Variants in PHKG2 observed in about 807,000 individuals in gnomAD.
PHKG2 encodes the protein phosphorylase kinase catalytic subunit gamma 2, also known as phosphorylase b kinase gamma catalytic chain, liver/testis isoform.
A neutral mutation model predicts 44.5 loss-of-function variants in PHKG2; 28 were observed. The observed-to-expected ratio is 0.63, with a 90% CI of 0.47 to 0.86. The LOEUF (loss-of-function observed/expected upper bound fraction) is 0.86. PHKG2 is among the 40% of genes least tolerant of loss of function. The pLI, the probability that PHKG2 is intolerant of heterozygous loss-of-function variation, is 0.00. For synonymous variants in PHKG2, 220 were observed against 211.2 expected (o/e 1.04, Z -0.36); for missense variants, 498 against 547.5 (o/e 0.91, Z 0.90).
chr16:30,757,296 C>A lies in PHKG2; in HGVS notation c.*199C>A. The A allele has an allele frequency of 6.5e-7, 1 of 1,538,268 alleles. No individual in the cohort carries two copies. The highest frequency in any genetic ancestry group is 8.7e-7 in the Non-Finnish European group (1 of 1,150,696). ...TGGGGTGGAAGGGAGCCATTCTGAA[C>A]GCCACGCCTGGCCCGGTCAGTGCTG... On this transcript the variant is annotated 3_prime_UTR_variant, in exon 10 of 10. Transcript: ENST00000563588.
intron 1 of PHKG2, 125 bp from the exon 2 acceptor site, chr16:30,748,678 A>AACCCCCCCCC: frequency 6.1e-6 from 1 of 164,006 alleles, no homozygotes; most frequent in South Asian, 5.3e-5. Context: ...TCCTTCCCCC[A>AACCCCCCCCC]CCCCCCCCCA....
chr16:30,757,269 G>A lies in PHKG2; in HGVS notation c.*172G>A. The A allele has an allele frequency of 4.5e-6, 7 of 1,553,792 alleles. No individual in the cohort carries two copies. Among genetic ancestry groups the A allele is most frequent in the Non-Finnish European group, 5.2e-6 (6 of 1,158,296 alleles). ...CACTGGCCAGGACTCTGAGATCAGA[G>A]CTGGGGTGGAAGGGAGCCATTCTGA... On this transcript the variant is annotated 3_prime_UTR_variant, in exon 10 of 10. Coordinates refer to ENST00000563588, the MANE Select transcript of PHKG2 (RefSeq NM_000294.3).
chr16:30,759,180 G>C lies in PHKG2; in HGVS notation c.*2083G>C. 1 of 1,614,124 alleles carries C rather than the reference G, an allele frequency of 6.2e-7. No homozygotes were observed. Among genetic ancestry groups the C allele is most frequent in the Non-Finnish European group, 8.5e-7 (1 of 1,180,028 alleles). Reference sequence around the variant, plus strand: ...CCTGCCCTGGCACTCTCCCTTACCCGTCTCACTCTCTGGCCACAGTTTGGG... The same window carrying C: ...CCTGCCCTGGCACTCTCCCTTACCCCTCTCACTCTCTGGCCACAGTTTGGG... On this transcript the variant is annotated 3_prime_UTR_variant, in exon 10 of 10. Transcript: ENST00000563588.
Position 30,756,669 on chromosome 16 carries a change from G to A in PHKG2, c.881G>A (p.Cys294Tyr). 6.2e-7 allele frequency: 1 copy of A among 1,614,078 alleles called. No homozygotes were observed. The highest frequency in any genetic ancestry group is 8.5e-7 in the Non-Finnish European group (1 of 1,180,028). The change falls in exon 9 of 10, where the codon TGT becomes TAT. Residue 294 changes from cysteine to tyrosine, a missense_variant. Transcript: ENST00000563588. ...QALQHPFFER[C>Y]EGSQPWNLTP... ...CTACAGCACCCCTTCTTTGAGCGTT[G>A]TGAAGGCAGCCAACCCTGGAACCTC... is the stretch of plus-strand genomic sequence containing the variant.
chr16:30,759,484 C>A lies in PHKG2; in HGVS notation c.*2387C>A. The A allele has an allele frequency of 1.9e-6, 3 of 1,614,198 alleles. No individual in the cohort carries two copies. The highest frequency in any genetic ancestry group is 2.5e-6 in the Non-Finnish European group (3 of 1,180,038). ...CTGTGGTGGTGACTCGGAATTAGAA[C>A]CCTGACTACCTTCCGGAGCCCTGGC... On this transcript the variant is annotated 3_prime_UTR_variant, in exon 10 of 10. Transcript: ENST00000563588.
rs369544826 is a variant in PHKG2, at chr16:30,757,169, G to C, written c.*72G>C. ...GGGTTTTGATCATTCCAGCTCCTCT[G>C]GGCTCTGGCCTCTGGCCTCAGGCCC... is the stretch of plus-strand genomic sequence containing the variant. On this transcript the variant is annotated 3_prime_UTR_variant, in exon 10 of 10. Coordinates refer to ENST00000563588, the MANE Select transcript of PHKG2 (RefSeq NM_000294.3). 39 of 1,455,964 alleles carry C rather than the reference G, an allele frequency of 2.7e-5. No homozygotes were observed. In the Admixed American group the frequency reaches 8.6e-4, roughly 32 times the overall value. The allele number at this position is 1,455,964 out of a possible 1,614,324, so 90.2% of individuals were successfully genotyped here. A position where few individuals can be genotyped will look rare whatever the true frequency, so the allele number is the denominator to read the frequency against.
At position 30,748,902 on chromosome 16, in the gene PHKG2, G is replaced by A. The variant is rs1459802071; in HGVS notation, c.82G>A (p.Asp28Asn). ...GTTTTACCAGAAGTACGACCCTAAG[G>A]ACGTCATCGGCAGGTAAGGCCGCGG... ...KEFYQKYDPKDVIGRGVSSVV... is the reference protein window; with the variant it reads ...KEFYQKYDPKNVIGRGVSSVV... Residue 28 changes from aspartate (D) to asparagine (N), a missense_variant, in exon 2 of 10, where the codon GAC becomes AAC. Transcript: ENST00000563588. 1.1e-5 allele frequency: 17 copies of A among 1,553,382 alleles called. No homozygotes were observed. The highest frequency in any genetic ancestry group is 1.4e-5 in the Non-Finnish European group (16 of 1,147,810).
chr16:30,759,892 C>T lies in PHKG2; in HGVS notation c.*2795C>T. The T allele has an allele frequency of 6.9e-7, 1 of 1,444,038 alleles. No homozygotes were observed. Among genetic ancestry groups the T allele is most frequent in the Non-Finnish European group, 9.1e-7 (1 of 1,102,472 alleles). The allele number at this position is 1,444,038 out of a possible 1,614,324, so 89.5% of individuals were successfully genotyped here. A position where few individuals can be genotyped will look rare whatever the true frequency, so the allele number is the denominator to read the frequency against. ...CAAATACTGAATACCCACTATATGCCCACTGTATGGTTTTCGGCACTGAAC... is the reference window on the plus strand; with the variant it reads ...CAAATACTGAATACCCACTATATGCTCACTGTATGGTTTTCGGCACTGAAC... On this transcript the variant is annotated 3_prime_UTR_variant, in exon 10 of 10. Transcript: ENST00000563588.
In PHKG2 at chr16:30,758,912, C is replaced by T; in HGVS notation, c.*1815C>T. ...TAAGGGATCATTTAGAGAAAGGACTCTGACTAAAAACAAAAAGTCTGAAGT... is the reference window on the plus strand; with the variant it reads ...TAAGGGATCATTTAGAGAAAGGACTTTGACTAAAAACAAAAAGTCTGAAGT... On this transcript the variant is annotated 3_prime_UTR_variant, in exon 10 of 10. Transcript: ENST00000563588. 6.5e-7 allele frequency: 1 copy of T among 1,531,474 alleles called. No individual in the cohort carries two copies. Among genetic ancestry groups the T allele is most frequent in the African/African-American group, 1.4e-5 (1 of 72,360 alleles). 94.9% of individuals were successfully genotyped at this position (1,531,474 alleles called of 1,614,324 possible). A position where few individuals can be genotyped will look rare whatever the true frequency, so the allele number is the denominator to read the frequency against.
Position 30,759,529 on chromosome 16 carries a change from C to T in PHKG2, c.*2432C>T. ...CCTGGCTTTGCCTCCAAAAGCCCAG[C>T]AACAGGAGCAAGGAGAGCCCACTGG... On this transcript the variant is annotated 3_prime_UTR_variant, in exon 10 of 10. Coordinates refer to ENST00000563588, the MANE Select transcript of PHKG2 (RefSeq NM_000294.3). The T allele has an allele frequency of 6.2e-7, 1 of 1,614,132 alleles. No individual in the cohort carries two copies. Among genetic ancestry groups the T allele is most frequent in the Non-Finnish European group, 8.5e-7 (1 of 1,180,016 alleles).
chr16:30,759,319 C>T lies in PHKG2; in HGVS notation c.*2222C>T, dbSNP rs2053577221. The T allele has an allele frequency of 3.1e-6, 5 of 1,612,582 alleles. No individual in the cohort carries two copies. The highest frequency in any genetic ancestry group is 3.4e-6 in the Non-Finnish European group (4 of 1,178,836). Reference sequence around the variant, plus strand: ...AGGGGAGGGGCGGTTGAGGGTGGCTCCTCATGGTCCACCACCCCCTACCTG... The same window carrying T: ...AGGGGAGGGGCGGTTGAGGGTGGCTTCTCATGGTCCACCACCCCCTACCTG... On this transcript the variant is annotated 3_prime_UTR_variant, in exon 10 of 10. Transcript: ENST00000563588.
rs770371321 is a variant in PHKG2, at chr16:30,761,148, A to G, written c.*4051A>G. ...GGCCACAGACAGGACTGTTGGGGAG[A>G]CAATAAAGAACGCAAATATTCAGTG... is the stretch of plus-strand genomic sequence containing the variant. On this transcript the variant is annotated 3_prime_UTR_variant, in exon 10 of 10. Transcript: ENST00000563588. The G allele has an allele frequency of 6.3e-7, 1 of 1,599,426 alleles. No individual in the cohort carries two copies. The highest frequency in any genetic ancestry group is 8.6e-7 in the Non-Finnish European group (1 of 1,168,852).
Position 30,759,700 on chromosome 16 carries a change from T to C in PHKG2, c.*2603T>C, listed in dbSNP as rs151283168. ...GACACTGGTGAAGTAGCGGTAGCACTCCTCCACGTTGCCCAAGGGGGTTGC... is the reference window on the plus strand; with the variant it reads ...GACACTGGTGAAGTAGCGGTAGCACCCCTCCACGTTGCCCAAGGGGGTTGC... On this transcript the variant is annotated 3_prime_UTR_variant, in exon 10 of 10. Transcript: ENST00000563588. The C allele has an allele frequency of 1.1e-4, 172 of 1,612,798 alleles. 1 individual carries two copies. The African/African-American group carries it at 2.1e-3, about 20-fold the overall frequency.
In PHKG2 at chr16:30,758,837, C is replaced by A. The variant is rs2053546694; in HGVS notation, c.*1740C>A. 2 of 1,145,176 alleles carry A rather than the reference C, an allele frequency of 1.7e-6. No homozygotes were observed. The highest frequency in any genetic ancestry group is 3.2e-5 in the South Asian group (2 of 62,116). 70.9% of individuals were successfully genotyped at this position (1,145,176 alleles called of 1,614,324 possible). A position where few individuals can be genotyped will look rare whatever the true frequency, so the allele number is the denominator to read the frequency against. On this transcript the variant is annotated 3_prime_UTR_variant, in exon 10 of 10. Transcript: ENST00000563588. ...GTGCTGGGATTACAGGTGTGAGCCA[C>A]CACGCCTGGCCTGCAGCTGTGCTTT...
rs375121242 is a variant in PHKG2 at position 30,756,577 on chromosome 16, G to T, written c.802-13G>T. The T allele has an allele frequency of 1.2e-6, 2 of 1,613,566 alleles. No homozygotes were observed. The highest frequency in any genetic ancestry group is 8.5e-7 in the Non-Finnish European group (1 of 1,180,014). On this transcript the variant is annotated splice_polypyrimidine_tract_variant and intron_variant, in intron 8 of 9. Transcript: ENST00000563588. ...GCCCAAGAGCTGCCCCTCATGCTCTGGGTCTCTCCTAGATCTCCAGGCTGC... is the reference window on the plus strand; with the variant it reads ...GCCCAAGAGCTGCCCCTCATGCTCTTGGTCTCTCCTAGATCTCCAGGCTGC...
At chr16:30,751,429 C>T in intron 3 of PHKG2, 120 bp from the exon 4 acceptor site, 3 of 1,278,228 alleles carry the variant, frequency 2.3e-6, no homozygotes, top group Non-Finnish European at 3.4e-6. Context: ...CCCACTGCCT[C>T]CTCTGGTTCT....
In PHKG2 at chr16:30,757,971, G is replaced by C; in HGVS notation, c.*874G>C. The C allele has an allele frequency of 2.5e-6, 1 of 401,254 alleles. No individual in the cohort carries two copies. Among genetic ancestry groups the C allele is most frequent in the Non-Finnish European group, 4.0e-6 (1 of 249,922 alleles). 24.9% of individuals were successfully genotyped at this position (401,254 alleles called of 1,614,324 possible). On this transcript the variant is annotated 3_prime_UTR_variant, in exon 10 of 10. Coordinates refer to ENST00000563588, the MANE Select transcript of PHKG2 (RefSeq NM_000294.3). ...GTGATACCTAGCACATAGGATTGAG[G>C]GAGGATTAAATGAGTTAATTTATGT...
chr16:30,751,640 C>T (rs1340805185), intron 4 of PHKG2, 37 bp downstream of exon 4: 1 of 1,535,452 alleles, frequency 6.5e-7, no homozygotes, highest in African/African-American at 1.4e-5. Flanking sequence ...GAAGCCTCCT[C>T]CCCACCTCCA....
Position 30,748,453 on chromosome 16 carries a change from G to C in PHKG2, c.-56G>C, listed in dbSNP as rs898420558. On this transcript the variant is annotated 5_prime_UTR_variant, in exon 1 of 10. Coordinates refer to ENST00000563588, the MANE Select transcript of PHKG2 (RefSeq NM_000294.3). ...TGCAGGCAAACCCGGCGACAGCGCA[G>C]CTCGCGTCGACCCTGGCTCCTCTGC... 8 of 300,686 alleles carry C rather than the reference G, an allele frequency of 2.7e-5. No homozygotes were observed. The highest frequency in any genetic ancestry group is 5.0e-5 in the Non-Finnish European group (8 of 159,142). 18.6% of individuals were successfully genotyped at this position (300,686 alleles called of 1,614,324 possible).
Sources: allele counts gnomAD v4.1 joint callset, GRCh38; gene constraint gnomAD v4.1.1; transcripts MANE v1.5; gene names NCBI Gene and HGNC (gene_info 2026-07-23, HGNC 2026-07-21).